The following KLF13 variants were observed in gnomAD, a reference collection of about 807,000 sequenced individuals.
KLF13 encodes the protein Krueppel-like factor 13.
Under a neutral mutation model 16.7 loss-of-function variants are expected in KLF13, and 8 were observed. The ratio of observed to expected loss-of-function variants is 0.48; its 90% CI spans 0.28 to 0.87. The LOEUF is 0.87. KLF13 is among the 40% of genes least tolerant of loss of function. The probability of loss-of-function intolerance (pLI) is 0.10; values close to 1 mark genes in which losing one functional copy is unlikely to be tolerated. For synonymous variants in KLF13, 245 were observed against 208.4 expected (o/e 1.18, Z -1.51); for missense variants, 447 against 452.2 (o/e 0.99, Z 0.10).
intron 1 of KLF13, among the ~76,000 whole-genome samples, chr15:31,330,328 C>T: frequency 6.6e-6 from 1 of 152,148 alleles, no homozygotes; most frequent in Non-Finnish European, 1.5e-5. Flanking sequence ...CCATTAGGCT[C>T]GGGAAGGTGC....
At chr15:31,392,642 A>C (rs2039888903), upstream of KLF13, among the ~76,000 whole-genome samples, 1 of 152,172 alleles carries the variant, frequency 6.6e-6, no homozygotes, top group African/African-American at 2.4e-5. Context: ...CCGCCCTAGA[A>C]ATAGCTCGGA....
At chr15:31,420,249 C>G (rs1401796413) in intron 1 of KLF13, 2 of 684,090 alleles carry the variant, frequency 2.9e-6, no homozygotes, top group East Asian at 7.7e-5. Context: ...GAGCTGATGA[C>G]CCTCATGATA....
At chr15:31,370,708 C>T (rs146933927) in intron 1 of KLF13, among the ~76,000 whole-genome samples, 8 of 152,278 alleles carry the variant, frequency 5.3e-5, no homozygotes, top group East Asian at 3.9e-4. Context: ...CATGAGCCAC[C>T]GCGCCTGGCC....
chr15:31,351,338 T>C (rs1451028028), intron 1 of KLF13, among the ~76,000 whole-genome samples: 1 of 152,246 alleles, frequency 6.6e-6, no homozygotes, highest in East Asian at 1.9e-4. Context: ...ATAACTTTAA[T>C]CCCACCACTC....
chr15:31,431,414 T>C (rs926734342), intron 1 of KLF13, among the ~76,000 whole-genome samples: 1 of 152,218 alleles, frequency 6.6e-6, no homozygotes, highest in African/African-American at 2.4e-5. Flanking sequence ...TATATTCATA[T>C]AATGGATTTT....
intron 1 of KLF13, among the ~76,000 whole-genome samples, chr15:31,344,646 A>G (rs1264078426): frequency 6.6e-6 from 1 of 152,184 alleles, no homozygotes; most frequent in Admixed American, 6.5e-5. Flanking sequence ...AGCTTCCCCA[A>G]GGGACCATTA....
chr15:31,396,458 A>C (rs1206129614), intron 2 of KLF13, among the ~76,000 whole-genome samples: 2 of 152,174 alleles, frequency 1.3e-5, no homozygotes, highest in African/African-American at 4.8e-5. Flanking sequence ...CGCCCGGCCT[A>C]GGGTTTTTAA....
chr15:31,369,988 T>C (rs1259432495), intron 1 of KLF13, among the ~76,000 whole-genome samples: 4 of 152,086 alleles, frequency 2.6e-5, no homozygotes, highest in Non-Finnish European at 4.4e-5. Context: ...TCTTAACTCA[T>C]TTACCTGGTC....
intron 1 of KLF13, 93 bp downstream of exon 1, chr15:31,327,882 TG>T (rs1291823848): frequency 8.6e-7 from 1 of 1,169,136 alleles, no homozygotes; most frequent in Non-Finnish European, 1.1e-6. Context: ...GGGCGCGAGG[TG>T]GGGGCCGGGC....
At chr15:31,379,719 G>C (rs985949246), downstream of KLF13, among the ~76,000 whole-genome samples, 1 of 152,188 alleles carries the variant, frequency 6.6e-6, no homozygotes, top group African/African-American at 2.4e-5. Context: ...AAGCAGTTTC[G>C]GGTGGCGGAG....
At chr15:31,395,218 G>T (rs1318516676) in intron 2 of KLF13, among the ~76,000 whole-genome samples, 1 of 152,194 alleles carries the variant, frequency 6.6e-6, no homozygotes, top group Admixed American at 6.5e-5. Flanking sequence ...GACCTCAAGT[G>T]ATTTGCCCAC....
chr15:31,408,233 A>G (rs1229334668), downstream of KLF13, among the ~76,000 whole-genome samples: 1 of 152,250 alleles, frequency 6.6e-6, no homozygotes. Flanking sequence ...CATATGTTGC[A>G]TATAATATAT....
At chr15:31,415,998 A>G (rs1474092386) in intron 1 of KLF13, among the ~76,000 whole-genome samples, 3 of 152,148 alleles carry the variant, frequency 2.0e-5, no homozygotes, top group African/African-American at 7.2e-5. Flanking sequence ...ATTACTACCG[A>G]CTTTACAGAA....
chr15:31,429,059 G>C (rs2040435981), intron 1 of KLF13, among the ~76,000 whole-genome samples: 1 of 152,092 alleles, frequency 6.6e-6, no homozygotes, highest in Admixed American at 6.6e-5. Flanking sequence ...TAAGAATTTT[G>C]GGACAGCACC....
chr15:31,367,400 C>T (rs1289742898), intron 1 of KLF13, among the ~76,000 whole-genome samples: 1 of 152,216 alleles, frequency 6.6e-6, no homozygotes, highest in Non-Finnish European at 1.5e-5. Flanking sequence ...GCATAAAGCT[C>T]CTGATATATA....
chr15:31,403,925 C>T (rs554790309), exon 3 of KLF13: 12 of 152,324 alleles, frequency 7.9e-5, no homozygotes, highest in African/African-American at 2.4e-4. Flanking sequence ...TAAGGCAGTT[C>T]GTCTGTGGGA....
At chr15:31,335,435 A>ATGTGTG (rs71110867) in intron 1 of KLF13, among the ~76,000 whole-genome samples, 385 of 34,908 alleles carry the variant, frequency 0.011, 3 homozygotes, top group African/African-American at 0.02. Context: ...GTGTGTGTGT[A>ATGTGTG]TGTGTGTGTG....
chr15:31,376,863 T>C lies in KLF13; in HGVS notation c.*4564T>C, dbSNP rs988844871. ...CGGCCACCTGGCCCTGCCCTGCCTC[T>C]CTCTTTCTCATACAGCTTTAAAACT... On this transcript the variant is annotated 3_prime_UTR_variant, in exon 2 of 2. Transcript: ENST00000307145. The C allele has an allele frequency of 1.1e-4, 17 of 152,414 alleles. No individual in the cohort carries two copies. The highest frequency in any genetic ancestry group is 4.1e-4 in the African/African-American group (17 of 41,356). The allele number at this position is 152,414 out of a possible 1,614,324, so 9.4% of individuals were successfully genotyped here. A position where few individuals can be genotyped will look rare whatever the true frequency, so the allele number is the denominator to read the frequency against.
At position 31,356,592 on chromosome 15, in the gene KLF13, C is replaced by T. The variant is rs143120470; in HGVS notation, c.578-15418C>T. Among the ~76,000 whole-genome samples the T allele has an allele frequency of 4.6e-5, 7 of 152,330 alleles. No individual in the cohort carries two copies. The East Asian group carries it at 1.3e-3, about 29-fold the overall frequency. On this transcript the variant is annotated intron_variant, in intron 1 of 1. Coordinates refer to ENST00000307145, the MANE Select transcript of KLF13 (RefSeq NM_015995.4). ...ACATGCAGTGTTTGGTTTTCTGTTC[C>T]TGCGTTAATTCACTTAGGAGAATGG...
Sources: gnomAD v4.1 joint callset for allele counts (sites outside exome capture counted in the v4.1 genomes callset) on GRCh38, gnomAD v4.1.1 for gene constraint, MANE v1.5 for transcripts, NCBI Gene and HGNC (gene_info 2026-07-23, HGNC 2026-07-21) for gene names.